Variants in GNAT3 observed in about 807,000 individuals in gnomAD.
The protein encoded by GNAT3 is guanine nucleotide-binding protein G(t) subunit alpha-3.
In GNAT3, 31 loss-of-function variants were observed where a neutral mutation model predicts 37.7. That is an observed-to-expected ratio of 0.82 (90% CI 0.62 to 1.11). GNAT3 has a LOEUF of 1.11. Among genes scored for constraint, GNAT3 ranks in the 50% most tolerant of loss-of-function variants. The pLI, the probability that GNAT3 is intolerant of heterozygous loss-of-function variation, is 0.00. For missense variants in GNAT3, 437 were observed against 412.5 expected (o/e 1.06, Z -0.51); for synonymous variants, 138 against 139.8 (o/e 0.99, Z 0.09).
chr7:80,500,116 G>A (rs1214476676), intron 1 of GNAT3, among the ~76,000 whole-genome samples: 1 of 151,940 alleles, frequency 6.6e-6, no homozygotes, highest in Non-Finnish European at 1.5e-5. Flanking sequence ...TTATGCTGTA[G>A]ATACCAGATT....
At position 80,474,286 on chromosome 7, in the gene GNAT3, A is replaced by C. The variant is rs1210495189; in HGVS notation, c.555T>G (p.Ile185Met). The change falls in exon 5 of 8, where the codon ATT (isoleucine) becomes ATG (methionine). Residue 185 changes from isoleucine (I) to methionine (M), a missense_variant. By Grantham distance (10) the Ile-to-Met change is conservative. Coordinates refer to ENST00000398291, the MANE Select transcript of GNAT3 (RefSeq NM_001102386.3). ...AGTCTTTAAAGGAGAATTGAGTTTC[A>C]ATGATTCCAGTCGTTTTCACTCGAG... ...LHSRVKTTGI[I>M]ETQFSFKDLH... 1.2e-5 allele frequency: 19 copies of C among 1,599,608 alleles called. No individual in the cohort carries two copies. The highest frequency in any genetic ancestry group is 1.5e-5 in the Non-Finnish European group (18 of 1,171,826).
chr7:80,476,947 G>C (rs575335941), intron 4 of GNAT3, among the ~76,000 whole-genome samples: 1 of 151,912 alleles, frequency 6.6e-6, no homozygotes, highest in Non-Finnish European at 1.5e-5. Flanking sequence ...TTCTGTTGTT[G>C]TTCTATTGCA....
At chr7:80,490,500 G>T (rs1739303085) in intron 2 of GNAT3, among the ~76,000 whole-genome samples, 1 of 152,110 alleles carries the variant, frequency 6.6e-6, no homozygotes, top group African/African-American at 2.4e-5. Context: ...CTAGGTGTAA[G>T]GTATCAAAGA....
At chr7:80,497,581 TATATAC>T (rs1206535814) in intron 1 of GNAT3, among the ~76,000 whole-genome samples, 11 of 138,042 alleles carry the variant, frequency 8.0e-5, no homozygotes, top group African/African-American at 2.7e-4. Flanking sequence ...TACATATACG[TATATAC>T]ATATACGTAT....
At chr7:80,487,308 C>G (rs1362970473) in intron 3 of GNAT3, among the ~76,000 whole-genome samples, 2 of 152,046 alleles carry the variant, frequency 1.3e-5, no homozygotes, top group African/African-American at 4.8e-5. Context: ...CCTCCAAGTT[C>G]CCCTTTTACA....
intron 7 of GNAT3, among the ~76,000 whole-genome samples, chr7:80,459,306 G>A (rs1205510085): frequency 6.6e-6 from 1 of 152,176 alleles, no homozygotes. Context: ...ACAAAAAAGT[G>A]AAAGTGAGAA....
In GNAT3 at chr7:80,462,238, G is replaced by C. The variant is rs1335069269; in HGVS notation, c.795C>G (p.Val265=). 1.9e-6 allele frequency: 3 copies of C among 1,611,016 alleles called. No homozygotes were observed. The African/African-American group carries it at 4.0e-5, about 22-fold the overall frequency. ...NHKYFSTTSI[V]LFLNKKDIFQ... is the part of the protein sequence containing the mutation. ...AGATATCTTTTTTGTTGAGGAACAG[G>C]ACAATGGAGGTTGTTGAAAAATACT... Residue 265 remains valine, a synonymous_variant, in exon 7 of 8, where the codon GTC becomes GTG. Coordinates refer to ENST00000398291, the MANE Select transcript of GNAT3 (RefSeq NM_001102386.3).
At chr7:80,485,843 G>T (rs1790469297) in intron 3 of GNAT3, among the ~76,000 whole-genome samples, 1 of 151,886 alleles carries the variant, frequency 6.6e-6, no homozygotes, top group Non-Finnish European at 1.5e-5. Context: ...TTCTTTAATA[G>T]TCATTGTAAC....
chr7:80,485,939 T>A (rs999907316), intron 3 of GNAT3, among the ~76,000 whole-genome samples: 1 of 152,190 alleles, frequency 6.6e-6, no homozygotes, highest in African/African-American at 2.4e-5. Context: ...ACCCAGTGAC[T>A]AATAAAGCTC....
Position 80,511,894 on chromosome 7 carries a change from C to G in GNAT3, c.33G>C (p.Glu11Asp). MGSGISSESKESAKRSKELEK... is the reference protein window; with the variant it reads MGSGISSESKDSAKRSKELEK... ...CCAGTTCTTTTGATCTTTTGGCTGA[C>G]TCCTTGCTCTCTGAACTAATTCCAC... Residue 11 changes from glutamate (E) to aspartate (D), a missense_variant, in exon 1 of 8, where the codon GAG (glutamate) becomes GAC (aspartate). Physicochemically the swap from Glu to Asp is conservative, Grantham distance 45. Transcript: ENST00000398291. 1 of 1,611,754 alleles carries G rather than the reference C, an allele frequency of 6.2e-7. No individual in the cohort carries two copies. The highest frequency in any genetic ancestry group is 2.2e-5 in the East Asian group (1 of 44,830).
intron 1 of GNAT3, among the ~76,000 whole-genome samples, chr7:80,502,149 G>C (rs1486616515): frequency 6.6e-6 from 1 of 151,992 alleles, no homozygotes; most frequent in Non-Finnish European, 1.5e-5. Context: ...TAAATAAGAG[G>C]ACAGGAAACA....
chr7:80,477,197 T>C (rs1329565700), intron 4 of GNAT3, among the ~76,000 whole-genome samples: 1 of 152,144 alleles, frequency 6.6e-6, no homozygotes, highest in African/African-American at 2.4e-5. Context: ...CCATTTTAAC[T>C]ATGTGGTTTG....
At chr7:80,480,854 G>A (rs536649627) in intron 3 of GNAT3, among the ~76,000 whole-genome samples, 17 of 152,052 alleles carry the variant, frequency 1.1e-4, no homozygotes, top group African/African-American at 3.4e-4. Context: ...ATCTTGTGCC[G>A]ACCTCCTTAT....
chr7:80,492,801 C>A (rs569184484), intron 2 of GNAT3, among the ~76,000 whole-genome samples: 2 of 151,230 alleles, frequency 1.3e-5, no homozygotes, highest in East Asian at 1.9e-4. Flanking sequence ...TAAAAATATC[C>A]ATTTCTCAAA....
intron 5 of GNAT3, among the ~76,000 whole-genome samples, chr7:80,463,344 G>T (rs895793681): frequency 6.6e-6 from 1 of 152,036 alleles, no homozygotes; most frequent in Non-Finnish European, 1.5e-5. Context: ...GTGGATCGAG[G>T]ACTCAATTTT....
At chr7:80,510,610 T>C (rs1791048350) in intron 1 of GNAT3, among the ~76,000 whole-genome samples, 1 of 152,134 alleles carries the variant, frequency 6.6e-6, no homozygotes, top group Non-Finnish European at 1.5e-5. Flanking sequence ...GTGTCATTAG[T>C]ACTTAACCCA....
At position 80,493,933 on chromosome 7, in the gene GNAT3, C is replaced by T. The variant is rs552997315; in HGVS notation, c.161+672G>A. ...CTCCTCCTTTCCTCCTCCTCCTTCTCTTCCTGCTGTTGTTGCTGCTGCTTC... is the reference window on the plus strand; with the variant it reads ...CTCCTCCTTTCCTCCTCCTCCTTCTTTTCCTGCTGTTGTTGCTGCTGCTTC... On this transcript the variant is annotated intron_variant, in intron 2 of 7. Transcript: ENST00000398291. Among the ~76,000 whole-genome samples the T allele has an allele frequency of 7.2e-5, 11 of 151,752 alleles. 3 individuals carry two copies. The highest frequency in any genetic ancestry group is 2.7e-4 in the African/African-American group (11 of 41,338).
At chr7:80,504,180 G>A (rs1189853720) in intron 1 of GNAT3, among the ~76,000 whole-genome samples, 1 of 152,142 alleles carries the variant, frequency 6.6e-6, no homozygotes, top group Non-Finnish European at 1.5e-5. Context: ...GCCAGGTGTG[G>A]TGGCACACGC....
intron 7 of GNAT3, among the ~76,000 whole-genome samples, chr7:80,460,288 A>G (rs1264297188): frequency 1.3e-5 from 2 of 152,182 alleles, no homozygotes; most frequent in Non-Finnish European, 2.9e-5. Flanking sequence ...TAGAAACAAT[A>G]AAAAGATCAG....
Sources: allele counts gnomAD v4.1 joint callset (sites outside exome capture counted in the v4.1 genomes callset), GRCh38; gene constraint gnomAD v4.1.1; transcripts MANE v1.5; gene names NCBI Gene and HGNC (gene_info 2026-07-23, HGNC 2026-07-21).